The following PAK3 variants were observed in gnomAD, a reference collection of about 807,000 sequenced individuals.
PAK3 encodes the protein serine/threonine-protein kinase PAK 3.
PAK3 carries 4 observed loss-of-function variants against 41.0 expected under a neutral mutation model. That is an observed-to-expected ratio of 0.10 (90% CI 0.05 to 0.22). PAK3 has a LOEUF of 0.22. Ranked by LOEUF, PAK3 falls within the 10% of genes least tolerant of loss-of-function variation. The probability of loss-of-function intolerance (pLI) is 1.00; values close to 1 mark genes in which losing one functional copy is unlikely to be tolerated. For synonymous variants in PAK3, 146 were observed against 139.6 expected, an observed-to-expected ratio of 1.05 and a Z score of -0.32; for missense variants, 205 against 409.9, an observed-to-expected ratio of 0.50 and a Z score of 4.32.
chrX:110,986,205 A>G (rs1271786724), intron 1 of PAK3, among the ~76,000 whole-genome samples: 1 of 111,848 alleles, frequency 8.9e-6, no homozygotes, highest in Non-Finnish European at 1.9e-5. Context: ...CAAATTTAAC[A>G]CCTCTTGGAA....
chrX:111,224,584 G>A lies in PAK3; in HGVS notation c.*4137G>A, dbSNP rs1206019923. 1 of 112,612 alleles carries A rather than the reference G, an allele frequency of 8.9e-6. No homozygotes were observed. Among genetic ancestry groups the A allele is most frequent in the African/African-American group, 3.2e-5 (1 of 31,007 alleles). The allele number at this position is 112,612 out of a possible 1,213,427, so 9.3% of individuals were successfully genotyped here. On this transcript the variant is annotated 3_prime_UTR_variant, in exon 18 of 18. Transcript: ENST00000372007. ...AATCATTAAACAAATATGTAGGACT[G>A]TCTCTGCCTGTTGGCATTCAGTTAT... is the stretch of plus-strand genomic sequence containing the variant.
chrX:111,037,640 A>G (rs559896705), intron 1 of PAK3, among the ~76,000 whole-genome samples: 1 of 111,862 alleles, frequency 8.9e-6, no homozygotes, highest in African/African-American at 3.2e-5. Context: ...TGCCTGTTAC[A>G]TAGTACATGC....
chrX:111,168,514 C>T (rs1189864166), intron 10 of PAK3, among the ~76,000 whole-genome samples: 3 of 111,696 alleles, frequency 2.7e-5, no homozygotes, highest in South Asian at 3.7e-4. Context: ...CAGTAGATGG[C>T]AGCACACACT....
In PAK3 at chrX:111,220,386, T is replaced by C; in HGVS notation, c.1574T>C (p.Leu525Pro). The C allele has an allele frequency of 8.3e-7, 1 of 1,203,756 alleles. No individual in the cohort carries two copies. The highest frequency in any genetic ancestry group is 1.1e-6 in the Non-Finnish European group (1 of 888,564). The change falls in exon 18 of 18, where the codon CTC (leucine) becomes CCC (proline). Residue 525 changes from leucine to proline, a missense_variant. This residue lies in a region of PAK3 where 40 missense variants were observed against 54.4 expected (regional missense o/e 0.74). Transcript: ENST00000372007. ...CCATTTTTAAAATTAGCCAAGCCTC[T>C]CTCCAGCCTGACTCCTCTGATTATC... Reference protein sequence around the residue: ...QHPFLKLAKPLSSLTPLIIAA... With the variant: ...QHPFLKLAKPPSSLTPLIIAA...
chrX:111,222,353 T>A lies in PAK3; in HGVS notation c.*1906T>A, dbSNP rs1199525289. The A allele has an allele frequency of 8.9e-6, 1 of 112,137 alleles. No homozygotes were observed. 9.2% of individuals were successfully genotyped at this position (112,137 alleles called of 1,213,427 possible). On this transcript the variant is annotated 3_prime_UTR_variant, in exon 18 of 18. Coordinates refer to ENST00000372007, the MANE Select transcript of PAK3 (RefSeq NM_002578.5). ...TGTTCAGGAGATGACCCCACTGGTG[T>A]ATTTCCTATTTTCCCTATTGTTTTC... is the stretch of plus-strand genomic sequence containing the variant.
chrX:111,026,742 G>A (rs2092275532), intron 1 of PAK3, among the ~76,000 whole-genome samples: 1 of 111,399 alleles, frequency 9.0e-6, no homozygotes, highest in Non-Finnish European at 1.9e-5. Flanking sequence ...GCCAAAAGCA[G>A]TGGACAAATT....
chrX:111,016,591 C>T (rs1353446754), intron 1 of PAK3, among the ~76,000 whole-genome samples: 2 of 111,071 alleles, frequency 1.8e-5, no homozygotes, highest in Non-Finnish European at 3.8e-5. Context: ...TCACTGTTTG[C>T]GTTATTTCCA....
At chrX:111,132,238 A>T (rs747763901) in intron 5 of PAK3, among the ~76,000 whole-genome samples, 16 of 110,994 alleles carry the variant, frequency 1.4e-4, no homozygotes, top group South Asian at 3.9e-4. Flanking sequence ...TAGGAGGTGG[A>T]TGGCCCTTTA....
intron 1 of PAK3, among the ~76,000 whole-genome samples, chrX:111,001,802 G>A (rs956088400): frequency 9.0e-6 from 1 of 110,896 alleles, no homozygotes; most frequent in Non-Finnish European, 1.9e-5. Flanking sequence ...CTTTGACTGA[G>A]GATGCTTCCT....
intron 11 of PAK3, among the ~76,000 whole-genome samples, chrX:111,182,036 G>T (rs1042813954): frequency 8.9e-6 from 1 of 111,769 alleles, no homozygotes; most frequent in Non-Finnish European, 1.9e-5. Context: ...GCACTGTGTT[G>T]TGTGCTGTCC....
chrX:111,076,341 A>G (rs963284064), intron 1 of PAK3, among the ~76,000 whole-genome samples: 1 of 111,741 alleles, frequency 8.9e-6, no homozygotes, highest in Non-Finnish European at 1.9e-5. Context: ...AGAGGGGATG[A>G]TCTCTCATGA....
intron 5 of PAK3, among the ~76,000 whole-genome samples, chrX:111,138,795 A>G (rs2093828802): frequency 9.0e-6 from 1 of 111,117 alleles, no homozygotes; most frequent in South Asian, 3.9e-4. Flanking sequence ...GCTAAGAAAC[A>G]TGAACTTTTA....
chrX:110,982,588 A>G (rs1333247156), intron 1 of PAK3, among the ~76,000 whole-genome samples: 1 of 112,225 alleles, frequency 8.9e-6, no homozygotes, highest in Admixed American at 9.4e-5. Flanking sequence ...AACCCTGACA[A>G]TTCAGATCAC....
chrX:111,176,226 A>C (rs1217988135), intron 11 of PAK3, among the ~76,000 whole-genome samples: 2 of 110,472 alleles, frequency 1.8e-5, no homozygotes, highest in African/African-American at 3.3e-5. Context: ...ATATTTGTTG[A>C]GCTAATGAAA....
In PAK3 at chrX:111,176,633, C is replaced by A. The variant is rs188717575; in HGVS notation, c.830+3552C>A. Among the ~76,000 whole-genome samples, 13 of 111,189 alleles carry A rather than the reference C, an allele frequency of 1.2e-4. No homozygotes were observed. The East Asian group carries it at 3.7e-3, about 32-fold the overall frequency. ...CTTTCCCTGTTTTTCCTCAGTGTGT[C>A]TTCACATTTTTGTCTTTCACAATGA... On this transcript the variant is annotated intron_variant, in intron 11 of 17. Transcript: ENST00000372007.
intron 1 of PAK3, among the ~76,000 whole-genome samples, chrX:111,064,147 T>C (rs1159836022): frequency 8.9e-6 from 1 of 112,048 alleles, no homozygotes; most frequent in Non-Finnish European, 1.9e-5. Context: ...ATGTATAATT[T>C]GGGCTCTGAC....
chrX:111,015,847 A>G (rs2092081677), intron 1 of PAK3, among the ~76,000 whole-genome samples: 1 of 111,916 alleles, frequency 8.9e-6, no homozygotes, highest in Non-Finnish European at 1.9e-5. Context: ...AGTTCTTTAT[A>G]TATTCTGGAT....
At chrX:111,189,092 A>G (rs1603369784) in intron 11 of PAK3, among the ~76,000 whole-genome samples, 1 of 111,082 alleles carries the variant, frequency 9.0e-6, no homozygotes, top group African/African-American at 3.3e-5. Flanking sequence ...TCACTCTAGT[A>G]GTCCCCAGTG....
At chrX:110,969,094 A>AT (rs60724970) in intron 1 of PAK3, among the ~76,000 whole-genome samples, 476 of 40,560 alleles carry the variant, frequency 0.012, 20 homozygotes, top group African/African-American at 0.042. Flanking sequence ...GACCTGCCTA[A>AT]TTTTTTTTTT....
Sources: gnomAD v4.1 joint callset for allele counts (sites outside exome capture counted in the v4.1 genomes callset) on GRCh38, gnomAD v4.1.1 for gene constraint, gnomAD v4.1.1 regional missense constraint, MANE v1.5 for transcripts, NCBI Gene and HGNC (gene_info 2026-07-23, HGNC 2026-07-21) for gene names.